Variants in KDM4B observed in about 807,000 individuals in gnomAD.
The protein encoded by KDM4B is lysine demethylase 4B.
KDM4B carries 32 observed loss-of-function variants against 125.2 expected under a neutral mutation model. That is an observed-to-expected ratio of 0.26 (90% CI 0.19 to 0.34). The LOEUF is 0.34. Among genes scored for constraint, KDM4B ranks in the 10% least tolerant of loss-of-function variants. The pLI is 1.00. For synonymous variants in KDM4B, 721 were observed against 677.9 expected, an observed-to-expected ratio of 1.06 and a Z score of -0.99; for missense variants, 1,190 against 1,577.7, an observed-to-expected ratio of 0.75 and a Z score of 4.16.
chr19:5,132,500 T>C (rs2039576290), intron 13 of KDM4B, among the ~76,000 whole-genome samples: 1 of 151,600 alleles, frequency 6.6e-6, no homozygotes, highest in Admixed American at 6.6e-5. Flanking sequence ...AATCTGAAAA[T>C]GGTCTGGATG....
At position 5,091,501 on chromosome 19, in the gene KDM4B, G is replaced by A. The variant is rs535162770; in HGVS notation, c.918+8997G>A. On this transcript the variant is annotated intron_variant, in intron 9 of 22. Transcript: ENST00000159111. ...CGCCATTCCAGGAAACGGCCCACTC[G>A]GCACCACCCATCTCCTCCCACCTCC... Among the ~76,000 whole-genome samples, 92 of 152,224 alleles carry A rather than the reference G, an allele frequency of 6.0e-4. 6 individuals carry two copies. The highest frequency in any genetic ancestry group is 1.9e-4 in the East Asian group (1 of 5,172).
At chr19:5,136,024 G>C (rs542228839) in intron 15 of KDM4B, among the ~76,000 whole-genome samples, 30 of 152,370 alleles carry the variant, frequency 2.0e-4, no homozygotes, top group Non-Finnish European at 3.4e-4. Flanking sequence ...TCCGCAGGCT[G>C]TGTTCCCTGA....
chr19:5,057,238 C>T (rs984430193), intron 6 of KDM4B, among the ~76,000 whole-genome samples: 4 of 152,156 alleles, frequency 2.6e-5, no homozygotes, highest in Admixed American at 6.5e-5. Flanking sequence ...TGCCAGGCCG[C>T]GTGTGCCTGT....
intron 9 of KDM4B, among the ~76,000 whole-genome samples, chr19:5,087,983 T>C (rs956662604): frequency 2.0e-5 from 3 of 152,120 alleles, no homozygotes; most frequent in Admixed American, 6.5e-5. Flanking sequence ...CTCACGTCTT[T>C]CGGGAGCTAA....
Position 5,137,352 on chromosome 19 carries a change from C to A in KDM4B, c.2385+14C>A. 1.3e-6 allele frequency: 2 copies of A among 1,553,810 alleles called. No individual in the cohort carries two copies. The highest frequency in any genetic ancestry group is 8.7e-7 in the Non-Finnish European group (1 of 1,148,850). On this transcript the variant is annotated intron_variant, in intron 16 of 22. Coordinates refer to ENST00000159111, the MANE Select transcript of KDM4B (RefSeq NM_015015.3). ...GCCTGGACTGCGGTAACTCGCTCCCCGCAGCGGGGGTGGTGCTCTGAGAGG... is the reference window on the plus strand; with the variant it reads ...GCCTGGACTGCGGTAACTCGCTCCCAGCAGCGGGGGTGGTGCTCTGAGAGG...
chr19:5,088,512 C>G (rs1200576575), intron 9 of KDM4B, among the ~76,000 whole-genome samples: 2 of 152,136 alleles, frequency 1.3e-5, no homozygotes, highest in African/African-American at 4.8e-5. Context: ...GGGAGGTTGC[C>G]CCTGCCCACA....
At position 5,133,744 on chromosome 19, in the gene KDM4B, G is replaced by A. The variant is rs1444877941; in HGVS notation, c.1907-139G>A. 40 of 754,110 alleles carry A rather than the reference G, an allele frequency of 5.3e-5. No individual in the cohort carries two copies. The South Asian group carries it at 5.9e-4, about 11-fold the overall frequency. 46.7% of individuals were successfully genotyped at this position (754,110 alleles called of 1,614,324 possible). ...ATGGGGCAGCCAGGAGGCAGGTGGAGGGGGAGCTATGGGCCAGGGACCCTG... is the reference window on the plus strand; with the variant it reads ...ATGGGGCAGCCAGGAGGCAGGTGGAAGGGGAGCTATGGGCCAGGGACCCTG... On this transcript the variant is annotated intron_variant, in intron 13 of 22. Transcript: ENST00000159111.
intron 9 of KDM4B, among the ~76,000 whole-genome samples, chr19:5,093,830 C>T (rs1290214516): frequency 1.3e-5 from 2 of 152,210 alleles, no homozygotes; most frequent in Non-Finnish European, 2.9e-5. Context: ...AGGGAGGAGA[C>T]AGGACACGAA....
At chr19:5,043,706 C>T (rs1428147400) in intron 5 of KDM4B, among the ~76,000 whole-genome samples, 1 of 62,302 alleles carries the variant, frequency 1.6e-5, no homozygotes. Flanking sequence ...TATCGGAGTG[C>T]AGTGTCCGCC....
intron 9 of KDM4B, among the ~76,000 whole-genome samples, chr19:5,109,659 G>A (rs1021984866): frequency 2.0e-5 from 3 of 152,144 alleles, no homozygotes; most frequent in African/African-American, 4.8e-5. Context: ...TTTCTTAGCC[G>A]CTGAGTCCCT....
intron 11 of KDM4B, among the ~76,000 whole-genome samples, chr19:5,120,237 C>G (rs2039335280): frequency 6.6e-6 from 1 of 152,212 alleles, no homozygotes; most frequent in South Asian, 2.1e-4. Context: ...ACTTGGGAAG[C>G]TGAGGTGGGA....
intron 2 of KDM4B, among the ~76,000 whole-genome samples, chr19:5,028,522 T>C (rs2036352210): frequency 6.6e-6 from 1 of 152,202 alleles, no homozygotes; most frequent in African/African-American, 2.4e-5. Context: ...CTGTTGGGAA[T>C]TGTGCTTCTG....
At position 5,057,557 on chromosome 19, in the gene KDM4B, G is replaced by A. The variant is rs1411762460; in HGVS notation, c.626+9888G>A. 2.6e-5 allele frequency among the ~76,000 whole-genome samples: 4 copies of A among 152,208 alleles called. No homozygotes were observed. The East Asian group carries it at 7.7e-4, about 29-fold the overall frequency. On this transcript the variant is annotated intron_variant, in intron 6 of 22. Coordinates refer to ENST00000159111, the MANE Select transcript of KDM4B (RefSeq NM_015015.3). Reference sequence around the variant, plus strand: ...CGTAAGCCTTGCTATCAGTAACTGTGACTGGGGCTGCATTTATGATGTTCC... The same window carrying A: ...CGTAAGCCTTGCTATCAGTAACTGTAACTGGGGCTGCATTTATGATGTTCC...
rs187947438 is a variant in KDM4B at position 4,978,673 on chromosome 19, G to A, written c.-109+9443G>A. Among the ~76,000 whole-genome samples the A allele has an allele frequency of 2.8e-4, 43 of 152,310 alleles. 1 individual carries two copies. Among genetic ancestry groups the A allele is most frequent in the Admixed American group, 2.7e-3 (41 of 15,294 alleles). On this transcript the variant is annotated intron_variant, in intron 1 of 22. Transcript: ENST00000159111. Reference sequence around the variant, plus strand: ...AGAGCCTGCTTCTCAGCTAGAGCCTGAAGGGCAGCTGCCGTTCATCAAAAC... The same window carrying A: ...AGAGCCTGCTTCTCAGCTAGAGCCTAAAGGGCAGCTGCCGTTCATCAAAAC...
intron 10 of KDM4B, chr19:5,111,231 G>T (rs1008952230): frequency 8.1e-6 from 5 of 613,918 alleles, no homozygotes; most frequent in Middle Eastern, 3.6e-4. Flanking sequence ...GGCTACTCGG[G>T]CCCCTCCCTG....
At chr19:5,143,587 T>C (rs1435576426) in intron 18 of KDM4B, among the ~76,000 whole-genome samples, 1 of 152,060 alleles carries the variant, frequency 6.6e-6, no homozygotes, top group Admixed American at 6.5e-5. Flanking sequence ...CCAGGGCACA[T>C]CTCTGTCGCC....
intron 9 of KDM4B, among the ~76,000 whole-genome samples, chr19:5,088,665 TCCCCCCCCCC>T (rs2038587446): frequency 8.7e-5 from 9 of 103,804 alleles, no homozygotes; most frequent in African/African-American, 2.9e-4. Context: ...GCCCCCCCCC[TCCCCCCCCCC>T]GCAAAAGAGC....
chr19:5,034,645 G>A (rs1042506535), intron 3 of KDM4B, among the ~76,000 whole-genome samples: 1 of 152,138 alleles, frequency 6.6e-6, no homozygotes, highest in African/African-American at 2.4e-5. Context: ...CTGCCTTTCC[G>A]GGCCGCCTCC....
chr19:5,080,999 CTG>C (rs2038275515), intron 8 of KDM4B: 1 of 152,214 alleles, frequency 6.6e-6, no homozygotes, highest in African/African-American at 2.4e-5. Context: ...GGAACGAGGT[CTG>C]TGGTGACTGA....
Sources: allele counts gnomAD v4.1 joint callset (sites outside exome capture counted in the v4.1 genomes callset), GRCh38; gene constraint gnomAD v4.1.1; transcripts MANE v1.5; gene names NCBI Gene and HGNC (gene_info 2026-07-23, HGNC 2026-07-21).